Variants in TNFSF4 observed in about 807,000 individuals in gnomAD.
TNFSF4 encodes tumor necrosis factor ligand superfamily member 4.
TNFSF4 carries 4 observed loss-of-function variants against 7.3 expected under a neutral mutation model. The observed-to-expected ratio is 0.55, with a 90% CI of 0.27 to 1.25. The LOEUF is 1.25. Ranked by LOEUF, TNFSF4 falls within the 50% of genes most tolerant of loss-of-function variation. The pLI, the probability that TNFSF4 is intolerant of heterozygous loss-of-function variation, is 0.12. For synonymous variants in TNFSF4, 76 were observed against 83.7 expected (o/e 0.91, Z 0.50); for missense variants, 181 against 208.8 (o/e 0.87, Z 0.82).
At chr1:173,258,498 G>A in the TNFSF4 span, among the ~76,000 whole-genome samples, 1 of 152,174 alleles carries the variant, frequency 6.6e-6, no homozygotes, top group Non-Finnish European at 1.5e-5. Flanking sequence ...AGATCCCCTT[G>A]TGAGCCCATG....
chr1:173,361,870 CT>C, the TNFSF4 span, among the ~76,000 whole-genome samples: 1 of 152,172 alleles, frequency 6.6e-6, no homozygotes, highest in Admixed American at 6.5e-5. Flanking sequence ...AAATTAAAAG[CT>C]TTAACTATAG....
the TNFSF4 span, among the ~76,000 whole-genome samples, chr1:173,413,768 A>G: frequency 6.6e-6 from 1 of 152,160 alleles, no homozygotes; most frequent in Admixed American, 6.5e-5. Context: ...ACCCCAGTCT[A>G]TATCCTTTCA....
At chr1:173,358,914 G>C in the TNFSF4 span, among the ~76,000 whole-genome samples, 6 of 152,160 alleles carry the variant, frequency 3.9e-5, no homozygotes, top group Non-Finnish European at 7.4e-5. Flanking sequence ...TAGTAACTAG[G>C]AAGAAAAATA....
At chr1:173,258,603 A>C in the TNFSF4 span, among the ~76,000 whole-genome samples, 1 of 152,226 alleles carries the variant, frequency 6.6e-6, no homozygotes, top group South Asian at 2.1e-4. Context: ...ACTGCCTAAG[A>C]TGACTGAGTT....
chr1:173,294,663 C>A, the TNFSF4 span, among the ~76,000 whole-genome samples: 7 of 151,816 alleles, frequency 4.6e-5, no homozygotes, highest in Non-Finnish European at 8.8e-5. Context: ...TAAGCCCAAA[C>A]AATAAAGGGC....
At chr1:173,350,008 T>C in the TNFSF4 span, among the ~76,000 whole-genome samples, 2 of 152,210 alleles carry the variant, frequency 1.3e-5, no homozygotes, top group African/African-American at 4.8e-5. Flanking sequence ...GAACATTGTA[T>C]AGCATAAAAT....
chr1:173,349,514 G>T, the TNFSF4 span, among the ~76,000 whole-genome samples: 1 of 152,172 alleles, frequency 6.6e-6, no homozygotes, highest in Non-Finnish European at 1.5e-5. Context: ...CTGTAAGGTA[G>T]ACAGGCTGCA....
At chr1:173,331,711 A>G in the TNFSF4 span, among the ~76,000 whole-genome samples, 1 of 152,190 alleles carries the variant, frequency 6.6e-6, no homozygotes. Flanking sequence ...AAAGAGAAAA[A>G]GTTTGCAGTC....
the TNFSF4 span, among the ~76,000 whole-genome samples, chr1:173,336,623 C>A: frequency 6.6e-6 from 1 of 152,156 alleles, no homozygotes; most frequent in Non-Finnish European, 1.5e-5. Context: ...TTGCAGGGAT[C>A]TTGATTGCTT....
At chr1:173,405,028 T>C in the TNFSF4 span, among the ~76,000 whole-genome samples, 1 of 152,340 alleles carries the variant, frequency 6.6e-6, no homozygotes, top group African/African-American at 2.4e-5. Context: ...ATTTATCACA[T>C]TCTAACATGC....
chr1:173,430,418 A>C, the TNFSF4 span, among the ~76,000 whole-genome samples: 1 of 152,232 alleles, frequency 6.6e-6, no homozygotes, highest in Non-Finnish European at 1.5e-5. Context: ...CTGTTGGCAT[A>C]GTTAGTTGAG....
chr1:173,325,838 G>GACC, the TNFSF4 span, among the ~76,000 whole-genome samples: 2 of 152,120 alleles, frequency 1.3e-5, no homozygotes, highest in Admixed American at 1.3e-4. Flanking sequence ...TCTCTGAATA[G>GACC]ACCAATAACA....
chr1:173,429,631 G>C, the TNFSF4 span, among the ~76,000 whole-genome samples: 3 of 152,208 alleles, frequency 2.0e-5, no homozygotes, highest in African/African-American at 7.2e-5. Flanking sequence ...AAGACCATGT[G>C]GGGTGTGAAT....
chr1:173,198,040 A>T (rs1160685149), intron 1 of TNFSF4, among the ~76,000 whole-genome samples: 1 of 152,178 alleles, frequency 6.6e-6, no homozygotes, highest in Non-Finnish European at 1.5e-5. Flanking sequence ...AGAAAAAAAA[A>T]GAAATTGGCC....
chr1:173,300,366 A>G, the TNFSF4 span, among the ~76,000 whole-genome samples: 1 of 151,870 alleles, frequency 6.6e-6, no homozygotes, highest in Non-Finnish European at 1.5e-5. Context: ...CCTGTAATTC[A>G]GAGAAGACAT....
chr1:173,401,345 T>C, the TNFSF4 span, among the ~76,000 whole-genome samples: 1 of 152,324 alleles, frequency 6.6e-6, no homozygotes, highest in East Asian at 1.9e-4. Flanking sequence ...TGATGGTTAA[T>C]TTTATGTGTC....
At chr1:173,243,819 GTGGTGAGGCTATTC>G in the TNFSF4 span, among the ~76,000 whole-genome samples, 38 of 152,300 alleles carry the variant, frequency 2.5e-4, no homozygotes, top group African/African-American at 8.4e-4. Flanking sequence ...TCATGGGTTT[GTGGTGAGGCTATTC>G]TGCAGTCCCC....
the TNFSF4 span, among the ~76,000 whole-genome samples, chr1:173,379,233 C>T: frequency 2.0e-5 from 3 of 152,124 alleles, no homozygotes; most frequent in East Asian, 5.8e-4. Context: ...GTCAGAAAGC[C>T]GTCCCCAGTA....
At chr1:173,421,648 G>A in the TNFSF4 span, among the ~76,000 whole-genome samples, 2 of 151,724 alleles carry the variant, frequency 1.3e-5, no homozygotes, top group Non-Finnish European at 2.9e-5. Context: ...TCCCGTATCT[G>A]TCTTCCTTGC....
Sources: allele counts gnomAD v4.1 joint callset (sites outside exome capture counted in the v4.1 genomes callset), GRCh38; gene constraint gnomAD v4.1.1; transcripts MANE v1.5; gene names NCBI Gene and HGNC (gene_info 2026-07-23, HGNC 2026-07-21).